Variants in SIGLEC7 observed in about 807,000 individuals in gnomAD.
SIGLEC7 encodes the protein sialic acid-binding Ig-like lectin 7.
A neutral mutation model predicts 40.8 loss-of-function variants in SIGLEC7; 33 were observed. The observed-to-expected ratio is 0.81, with a 90% CI of 0.61 to 1.08. SIGLEC7 has a LOEUF of 1.08. SIGLEC7 is among the 50% of genes least tolerant of loss of function. The pLI, the probability that SIGLEC7 is intolerant of heterozygous loss-of-function variation, is 0.00. For synonymous variants in SIGLEC7, 242 were observed against 237.6 expected, an observed-to-expected ratio of 1.02 and a Z score of -0.17; for missense variants, 513 against 576.1, an observed-to-expected ratio of 0.89 and a Z score of 1.12.
At chr19:51,150,971 C>T (rs2092139223) in intron 6 of SIGLEC7, among the ~76,000 whole-genome samples, 1 of 152,148 alleles carries the variant, frequency 6.6e-6, no homozygotes, top group African/African-American at 2.4e-5. Context: ...TGGGTCCGTT[C>T]AGGGTGGTAT....
rs774974845 is a variant in SIGLEC7 at position 51,146,744 on chromosome 19, C to G, written c.1028-10C>G. On this transcript the variant is annotated splice_polypyrimidine_tract_variant and intron_variant, in intron 4 of 6. Transcript: ENST00000317643. ...GTTGGATCACCAAAACAATTCCAAT[C>G]CATCCTCAGGCAAAATGAGGCCTGT... The G allele has an allele frequency of 1.1e-5, 17 of 1,611,848 alleles. No individual in the cohort carries two copies. The highest frequency in any genetic ancestry group is 2.7e-5 in the African/African-American group (2 of 74,868).
chr19:51,150,994 G>C (rs1408333513), intron 6 of SIGLEC7, among the ~76,000 whole-genome samples: 1 of 152,176 alleles, frequency 6.6e-6, no homozygotes, highest in African/African-American at 2.4e-5. Context: ...CTGTAGACCA[G>C]AAGAACATGA....
rs1338701644 is a variant in SIGLEC7 at position 51,142,479 on chromosome 19, A to C, written c.110A>C (p.Gln37Pro). 6.2e-7 allele frequency: 1 copy of C among 1,614,048 alleles called. No homozygotes were observed. The highest frequency in any genetic ancestry group is 8.5e-7 in the Non-Finnish European group (1 of 1,180,044). The change falls in exon 1 of 7, where the codon CAA becomes CCA. Residue 37 changes from glutamine to proline, a missense_variant. Gln to Pro is a moderately conservative substitution (Grantham distance 76). Coordinates refer to ENST00000317643, the MANE Select transcript of SIGLEC7 (RefSeq NM_014385.4). The surrounding 1 kb of genome is among the most constrained non-coding windows in gnomAD (Gnocchi z 5.0). Reference sequence around the variant, plus strand: ...ACGATGCAGAGTTCCGTGACCGTGCAAGAGGGCATGTGTGTCCATGTGCGC... The same window carrying C: ...ACGATGCAGAGTTCCGTGACCGTGCCAGAGGGCATGTGTGTCCATGTGCGC... Reference protein sequence around the residue: ...SLTMQSSVTVQEGMCVHVRCS... With the variant: ...SLTMQSSVTVPEGMCVHVRCS...
In SIGLEC7 at chr19:51,145,989, C is replaced by G; in HGVS notation, c.895C>G (p.Gln299Glu). The G allele has an allele frequency of 6.2e-7, 1 of 1,614,218 alleles. No individual in the cohort carries two copies. Among genetic ancestry groups the G allele is most frequent in the Non-Finnish European group, 8.5e-7 (1 of 1,180,040 alleles). The part of the protein sequence containing the change: ...TWRSLTLYPS[Q>E]PSNPLVLELQ... The stretch of plus-strand genomic sequence containing the variant: ...GAGGAGTCTGACCCTGTACCCCTCA[C>G]AGCCCTCAAACCCTCTGGTACTGGA... Residue 299 changes from glutamine to glutamate, a missense_variant, in exon 4 of 7, where the codon CAG (glutamine) becomes GAG (glutamate). By Grantham distance (29) the Gln-to-Glu change is conservative (BLOSUM62 2). Coordinates refer to ENST00000317643, the MANE Select transcript of SIGLEC7 (RefSeq NM_014385.4). This position sits in a 1 kb window ranked among gnomAD's most constrained non-coding sequence, Gnocchi z 4.3.
chr19:51,149,514 G>C (rs2092131054), intron 6 of SIGLEC7, among the ~76,000 whole-genome samples: 1 of 152,050 alleles, frequency 6.6e-6, no homozygotes. Flanking sequence ...TGGTCTATGT[G>C]TCTGTTTTTG....
At chr19:51,147,380 C>T in intron 6 of SIGLEC7, 63 bp downstream of exon 6, 1 of 1,459,542 alleles carries the variant, frequency 6.9e-7, no homozygotes, top group Non-Finnish European at 9.3e-7. Context: ...AGGATGGCCT[C>T]CAGGATTTCT....
rs1198614215 is a variant in SIGLEC7, at chr19:51,142,654, C to T, written c.285C>T (p.Phe95=). Residue 95 remains phenylalanine, a synonymous_variant, in exon 1 of 7, where the codon TTC becomes TTT. Transcript: ENST00000317643. This position sits in a 1 kb window ranked among gnomAD's most constrained non-coding sequence, Gnocchi z 5.0. ...TGCAGGAGGAAACTCGGGACCGATT[C>T]CACCTCCTTGGGGACCCACAGACCA... ...WAVQEETRDR[F]HLLGDPQTKN... The T allele has an allele frequency of 6.2e-7, 1 of 1,614,144 alleles. No homozygotes were observed. Among genetic ancestry groups the T allele is most frequent in the Non-Finnish European group, 8.5e-7 (1 of 1,180,032 alleles).
intron 1 of SIGLEC7, 166 bp from the exon 2 acceptor site, chr19:51,144,240 G>T: frequency 1.9e-6 from 2 of 1,046,374 alleles, no homozygotes; most frequent in Non-Finnish European, 2.8e-6. Flanking sequence ...ACAGGGAAAG[G>T]TCATGGGGGT....
At chr19:51,148,910 G>A (rs569656334) in intron 6 of SIGLEC7, among the ~76,000 whole-genome samples, 8 of 152,258 alleles carry the variant, frequency 5.3e-5, no homozygotes, top group African/African-American at 1.9e-4. Flanking sequence ...TTTCATTGTG[G>A]TTCTGATTTG....
Position 51,142,936 on chromosome 19 carries a change from C to T in SIGLEC7, c.433+134C>T. 1 of 1,008,036 alleles carries T rather than the reference C, an allele frequency of 9.9e-7. No individual in the cohort carries two copies. The highest frequency in any genetic ancestry group is 1.5e-6 in the Non-Finnish European group (1 of 680,704). 62.4% of individuals were successfully genotyped at this position (1,008,036 alleles called of 1,614,324 possible). A position where few individuals can be genotyped will look rare whatever the true frequency, so the allele number is the denominator to read the frequency against. ...GAGAGGAGCTGGACCAGAGCCTGAG[C>T]TTCCCCAGGACCGCACCTTGGATGC... On this transcript the variant is annotated intron_variant, in intron 1 of 6. Transcript: ENST00000317643. The surrounding 1 kb of genome is among the most constrained non-coding windows in gnomAD (Gnocchi z 5.0).
At position 51,142,902 on chromosome 19, in the gene SIGLEC7, T is replaced by G; in HGVS notation, c.433+100T>G. 7.7e-7 allele frequency: 1 copy of G among 1,290,640 alleles called. No homozygotes were observed. Among genetic ancestry groups the G allele is most frequent in the Non-Finnish European group, 1.1e-6 (1 of 929,076 alleles). 79.9% of individuals were successfully genotyped at this position (1,290,640 alleles called of 1,614,324 possible). A position where few individuals can be genotyped will look rare whatever the true frequency, so the allele number is the denominator to read the frequency against. On this transcript the variant is annotated intron_variant, in intron 1 of 6. Coordinates refer to ENST00000317643, the MANE Select transcript of SIGLEC7 (RefSeq NM_014385.4). The surrounding 1 kb of genome is among the most constrained non-coding windows in gnomAD (Gnocchi z 5.0). ...TGTCCTGGGAGGGGGCCGGGGGTGATGGACTCAGGAGAGGAGCTGGACCAG... is the reference window on the plus strand; with the variant it reads ...TGTCCTGGGAGGGGGCCGGGGGTGAGGGACTCAGGAGAGGAGCTGGACCAG...
At position 51,144,478 on chromosome 19, in the gene SIGLEC7, C is replaced by T. The variant is rs754553337; in HGVS notation, c.506C>T (p.Ser169Phe). Residue 169 changes from serine (S) to phenylalanine (F), a missense_variant, in exon 2 of 7, where the codon TCT (serine) becomes TTT (phenylalanine). Ser to Phe is a radical substitution (Grantham distance 155, BLOSUM62 -2). Transcript: ENST00000317643. The part of the protein sequence containing the change: ...ESGCFQNLTC[S>F]VPWACEQGTP... ...GGCTGCTTCCAGAATCTGACCTGCTCTGTGCCCTGGGCCTGTGAGCAGGGG... is the reference window on the plus strand; with the variant it reads ...GGCTGCTTCCAGAATCTGACCTGCTTTGTGCCCTGGGCCTGTGAGCAGGGG... 2 of 1,613,822 alleles carry T rather than the reference C, an allele frequency of 1.2e-6. No homozygotes were observed. Among genetic ancestry groups the T allele is most frequent in the Non-Finnish European group, 1.7e-6 (2 of 1,180,008 alleles).
intron 1 of SIGLEC7, chr19:51,144,190 T>A: frequency 1.3e-6 from 1 of 766,416 alleles, no homozygotes; most frequent in Non-Finnish European, 2.3e-6. Flanking sequence ...AGCAGCTCTC[T>A]GTGAATGTGA....
chr19:51,147,369 C>A, intron 6 of SIGLEC7, 52 bp downstream of exon 6: 1 of 1,512,250 alleles, frequency 6.6e-7, no homozygotes, highest in Non-Finnish European at 9.0e-7. Flanking sequence ...ACATCTCCCA[C>A]AGGATGGCCT....
At position 51,153,245 on chromosome 19, in the gene SIGLEC7, A is replaced by AG. The variant is rs2092156733; in HGVS notation, c.*1dup. ...ACTCAGAGATCAAGATCCCCAAGTA[A>AG]GAAAATGCAGAGGCTCGGGCTTGTT... is the stretch of plus-strand genomic sequence containing the variant. On this transcript the variant is annotated 3_prime_UTR_variant, in exon 7 of 7. Coordinates refer to ENST00000317643, the MANE Select transcript of SIGLEC7 (RefSeq NM_014385.4). The AG allele has an allele frequency of 6.4e-7, 1 of 1,559,302 alleles. No individual in the cohort carries two copies. Among genetic ancestry groups the AG allele is most frequent in the Non-Finnish European group, 8.7e-7 (1 of 1,150,884 alleles).
At position 51,142,362 on chromosome 19, in the gene SIGLEC7, C is replaced by A. The variant is rs760017907; in HGVS notation, c.-8C>A. On this transcript the variant is annotated 5_prime_UTR_variant, in exon 1 of 7. Transcript: ENST00000317643. This position sits in a 1 kb window ranked among gnomAD's most constrained non-coding sequence, Gnocchi z 5.0. ...TCCCTCGCGGCCCTGGCACCTCCAA[C>A]CCCAGATATGCTGCTGCTGCTGCTG... 2.0e-5 allele frequency: 33 copies of A among 1,611,704 alleles called. No homozygotes were observed. The highest frequency in any genetic ancestry group is 2.6e-5 in the Non-Finnish European group (31 of 1,178,624).
At position 51,153,177 on chromosome 19, in the gene SIGLEC7, G is replaced by T. The variant is rs1033412706; in HGVS notation, c.1336G>T (p.Glu446Ter). 4.2e-5 allele frequency: 68 copies of T among 1,609,228 alleles called. No individual in the cohort carries two copies. The highest frequency in any genetic ancestry group is 5.6e-5 in the Non-Finnish European group (66 of 1,177,836). Residue 446 changes from glutamate to a stop codon, truncating the protein, a stop_gained, in exon 7 of 7, where the codon GAG (glutamate) becomes TAG (stop). Coordinates refer to ENST00000317643, the MANE Select transcript of SIGLEC7 (RefSeq NM_014385.4). LOFTEE classifies it low-confidence loss of function (END_TRUNC). ...TGCACCCCTCAGCTTTCATAAGGGGGAGCCTCAGGACCTATCAGGACAAGA... is the reference window on the plus strand; with the variant it reads ...TGCACCCCTCAGCTTTCATAAGGGGTAGCCTCAGGACCTATCAGGACAAGA... ...QYAPLSFHKG[E>*]PQDLSGQEAT...
chr19:51,150,277 T>C (rs763601339), intron 6 of SIGLEC7, among the ~76,000 whole-genome samples: 2 of 152,238 alleles, frequency 1.3e-5, no homozygotes, highest in Non-Finnish European at 2.9e-5. Context: ...ATGTTGGCTC[T>C]GCGTTCACCA....
At position 51,142,894 on chromosome 19, in the gene SIGLEC7, G is replaced by A. The variant is rs902527949; in HGVS notation, c.433+92G>A. 1.6e-5 allele frequency: 21 copies of A among 1,331,930 alleles called. No homozygotes were observed. Among genetic ancestry groups the A allele is most frequent in the Middle Eastern group, 3.8e-4 (2 of 5,244 alleles). 82.5% of individuals were successfully genotyped at this position (1,331,930 alleles called of 1,614,324 possible). A position where few individuals can be genotyped will look rare whatever the true frequency, so the allele number is the denominator to read the frequency against. ...GGGACACATGTCCTGGGAGGGGGCC[G>A]GGGGTGATGGACTCAGGAGAGGAGC... On this transcript the variant is annotated intron_variant, in intron 1 of 6. Coordinates refer to ENST00000317643, the MANE Select transcript of SIGLEC7 (RefSeq NM_014385.4). This position sits in a 1 kb window ranked among gnomAD's most constrained non-coding sequence, Gnocchi z 5.0.
Sources: allele counts gnomAD v4.1 joint callset (sites outside exome capture counted in the v4.1 genomes callset), GRCh38; gene constraint gnomAD v4.1.1; non-coding constraint Gnocchi (gnomAD v3.1); transcripts MANE v1.5; gene names NCBI Gene and HGNC (gene_info 2026-07-23, HGNC 2026-07-21).